CSMD1: variants seen among roughly 807,000 people sequenced by gnomAD.
CSMD1 encodes the protein CUB and sushi domain-containing protein 1.
A neutral mutation model predicts 417.5 loss-of-function variants in CSMD1; 213 were observed. The ratio of observed to expected loss-of-function variants is 0.51; its 90% CI spans 0.46 to 0.57. The LOEUF is 0.57. Ranked by LOEUF, CSMD1 falls within the 20% of genes least tolerant of loss-of-function variation. CSMD1 has a pLI of 0.00. For synonymous variants in CSMD1, 2,862 were observed against 1,736.8 expected (o/e 1.65, Z -16.11); for missense variants, 6,923 against 4,529.7 (o/e 1.53, Z -15.17).
rs7000500 is a variant in CSMD1 at position 4,794,585 on chromosome 8, C to T, written c.86-157027G>A. 4.9e-3 allele frequency among the ~76,000 whole-genome samples: 740 copies of T among 152,256 alleles called. 9 individuals carry two copies. The highest frequency in any genetic ancestry group is 0.017 in the African/African-American group (721 of 41,554). On this transcript the variant is annotated intron_variant, in intron 1 of 69. Transcript: ENST00000635120. ...TGCTGAGAGATTCTTCCCCTTCTCTCACCCCTCACACGCCTCTGGGCTGCA... is the reference window on the plus strand; with the variant it reads ...TGCTGAGAGATTCTTCCCCTTCTCTTACCCCTCACACGCCTCTGGGCTGCA...
At chr8:4,232,698 T>C (rs1801815375) in intron 3 of CSMD1, among the ~76,000 whole-genome samples, 1 of 152,192 alleles carries the variant, frequency 6.6e-6, no homozygotes, top group Non-Finnish European at 1.5e-5. Flanking sequence ...AGACATTTTA[T>C]AAAAGTGTCA....
At chr8:3,884,258 C>G (rs923608508) in intron 5 of CSMD1, among the ~76,000 whole-genome samples, 3 of 152,152 alleles carry the variant, frequency 2.0e-5, no homozygotes, top group African/African-American at 2.4e-5. Context: ...GCAAGTCTAA[C>G]CTGTCTTCAA....
chr8:4,318,513 A>C (rs1311996112), intron 3 of CSMD1, among the ~76,000 whole-genome samples: 1 of 152,176 alleles, frequency 6.6e-6, no homozygotes, highest in African/African-American at 2.4e-5. Flanking sequence ...ACTGGCGAGA[A>C]AACTTGAGTA....
At chr8:4,009,263 T>C (rs1039726071) in intron 4 of CSMD1, among the ~76,000 whole-genome samples, 1 of 152,222 alleles carries the variant, frequency 6.6e-6, no homozygotes, top group Non-Finnish European at 1.5e-5. Context: ...AATTTCAGAC[T>C]TTTTAAAAAA....
At chr8:3,766,702 T>A (rs1346765022) in intron 5 of CSMD1, among the ~76,000 whole-genome samples, 1 of 152,186 alleles carries the variant, frequency 6.6e-6, no homozygotes, top group Non-Finnish European at 1.5e-5. Flanking sequence ...CAATTTATTT[T>A]GGGTTCACTG....
intron 3 of CSMD1, among the ~76,000 whole-genome samples, chr8:4,055,229 G>C (rs576653903): frequency 6.6e-6 from 1 of 152,120 alleles, no homozygotes; most frequent in East Asian, 1.9e-4. Context: ...ACCATTTTGA[G>C]ACAATAGGAT....
At chr8:4,496,721 A>G (rs556249114) in intron 2 of CSMD1, among the ~76,000 whole-genome samples, 4 of 152,170 alleles carry the variant, frequency 2.6e-5, no homozygotes, top group Non-Finnish European at 5.9e-5. Context: ...CATCAGCTGA[A>G]AATGAGTAAA....
intron 30 of CSMD1, among the ~76,000 whole-genome samples, chr8:3,207,768 G>A (rs967403855): frequency 3.3e-5 from 5 of 152,108 alleles, no homozygotes; most frequent in Admixed American, 6.5e-5. Context: ...ACTTAAATAA[G>A]CTCAGCCTTC....
intron 26 of CSMD1, among the ~76,000 whole-genome samples, chr8:3,271,324 A>G (rs13249501): frequency 1.3e-5 from 2 of 151,610 alleles, no homozygotes; most frequent in East Asian, 1.9e-4. Flanking sequence ...AATCCAGTCT[A>G]TCATTGTTGG....
chr8:4,373,514 T>C (rs376448056), intron 3 of CSMD1, among the ~76,000 whole-genome samples: 1 of 152,212 alleles, frequency 6.6e-6, no homozygotes, highest in African/African-American at 2.4e-5. Flanking sequence ...CAAAAAACTT[T>C]CAGAACTACT....
intron 3 of CSMD1, among the ~76,000 whole-genome samples, chr8:4,240,387 T>A (rs1802323145): frequency 2.0e-5 from 3 of 152,244 alleles, no homozygotes; most frequent in African/African-American, 7.2e-5. Flanking sequence ...TTTGCAGGCA[T>A]CACAGTTGAG....
intron 3 of CSMD1, among the ~76,000 whole-genome samples, chr8:4,335,458 C>A (rs544061228): frequency 1.3e-5 from 2 of 152,180 alleles, no homozygotes; most frequent in African/African-American, 2.4e-5. Flanking sequence ...TTATTTAAAT[C>A]AGGGAATTTA....
intron 2 of CSMD1, among the ~76,000 whole-genome samples, chr8:4,468,300 G>C (rs527289862): frequency 6.6e-6 from 1 of 152,036 alleles, no homozygotes; most frequent in Non-Finnish European, 1.5e-5. Context: ...AGAAAGTGTT[G>C]ATCTTCTGTT....
intron 3 of CSMD1, among the ~76,000 whole-genome samples, chr8:4,190,035 G>C (rs1219992843): frequency 6.6e-6 from 1 of 151,854 alleles, no homozygotes; most frequent in East Asian, 1.9e-4. Flanking sequence ...AAGGCAGGTA[G>C]AACACGAGGT....
chr8:4,119,872 C>T (rs571315535), intron 3 of CSMD1, among the ~76,000 whole-genome samples: 20 of 152,164 alleles, frequency 1.3e-4, no homozygotes, highest in South Asian at 1.0e-3. Context: ...TGAAAGGGTT[C>T]GACAAAGTAC....
intron 3 of CSMD1, among the ~76,000 whole-genome samples, chr8:4,074,069 G>C (rs948066550): frequency 6.6e-6 from 1 of 151,994 alleles, no homozygotes; most frequent in Non-Finnish European, 1.5e-5. Flanking sequence ...ATATTGATAT[G>C]GAATAGACAA....
Position 3,715,277 on chromosome 8 carries a change from G to C in CSMD1, c.932-6786C>G, listed in dbSNP as rs114220476. The stretch of plus-strand genomic sequence containing the variant: ...CTATTCTCTGCTAATTATTGTTAAC[G>C]TGTGATTTGTGCTGATACACTGTAA... On this transcript the variant is annotated intron_variant, in intron 6 of 69. Coordinates refer to ENST00000635120, the MANE Select transcript of CSMD1 (RefSeq NM_033225.6). 3.0e-3 allele frequency among the ~76,000 whole-genome samples: 454 copies of C among 152,196 alleles called. 1 individual carries two copies. Among genetic ancestry groups the C allele is most frequent in the African/African-American group, 1.0e-2 (414 of 41,526 alleles).
chr8:3,635,629 G>A (rs546810926), intron 7 of CSMD1, among the ~76,000 whole-genome samples: 76 of 151,126 alleles, frequency 5.0e-4, no homozygotes, highest in Non-Finnish European at 8.0e-4. Flanking sequence ...GACTACAGGC[G>A]CCAGCCACCA....
intron 17 of CSMD1, among the ~76,000 whole-genome samples, chr8:3,388,760 T>C (rs1811161954): frequency 6.6e-6 from 1 of 152,232 alleles, no homozygotes; most frequent in South Asian, 2.1e-4. Context: ...CTGCGCAGTA[T>C]GGCAGGAAAG....
Sources: allele counts gnomAD v4.1 joint callset (sites outside exome capture counted in the v4.1 genomes callset), GRCh38; gene constraint gnomAD v4.1.1; transcripts MANE v1.5; gene names NCBI Gene and HGNC (gene_info 2026-07-23, HGNC 2026-07-21).